Variants in NEK10 observed in about 807,000 individuals in gnomAD.
The protein encoded by NEK10 is NIMA related kinase 10.
A neutral mutation model predicts 159.8 loss-of-function variants in NEK10; 122 were observed. The ratio of observed to expected loss-of-function variants is 0.76; its 90% CI spans 0.66 to 0.89. The LOEUF is 0.89. NEK10 is among the 40% of genes least tolerant of loss of function. The probability of loss-of-function intolerance (pLI) is 0.00; values close to 1 mark genes in which losing one functional copy is unlikely to be tolerated. For missense variants in NEK10, 1,342 were observed against 1,323.1 expected (o/e 1.01, Z -0.22); for synonymous variants, 466 against 457.1 (o/e 1.02, Z -0.25).
intron 15 of NEK10, among the ~76,000 whole-genome samples, chr3:27,294,773 A>T (rs551209598): frequency 1.3e-5 from 2 of 151,204 alleles, no homozygotes; most frequent in African/African-American, 2.4e-5. Flanking sequence ...GACTTGGGGG[A>T]AAAAAAAAGA....
chr3:27,294,762 T>A (rs2043231040), intron 15 of NEK10, among the ~76,000 whole-genome samples: 1 of 152,012 alleles, frequency 6.6e-6, no homozygotes, highest in Non-Finnish European at 1.5e-5. Context: ...CTTTTCAAAA[T>A]GACTTGGGGG....
chr3:27,123,284 T>A (rs955364410), intron 32 of NEK10, among the ~76,000 whole-genome samples: 4 of 152,174 alleles, frequency 2.6e-5, no homozygotes, highest in African/African-American at 9.7e-5. Context: ...GGGTCCTTCA[T>A]GAAGACTAGC....
chr3:27,253,064 G>T, intron 23 of NEK10: 1 of 354,014 alleles, frequency 2.8e-6, no homozygotes, highest in Non-Finnish European at 5.6e-6. Flanking sequence ...GCTTCACTTT[G>T]TCTCTACTTA....
intron 23 of NEK10, among the ~76,000 whole-genome samples, chr3:27,236,295 A>G (rs1364930549): frequency 1.3e-5 from 2 of 152,172 alleles, no homozygotes; most frequent in Non-Finnish European, 2.9e-5. Flanking sequence ...CTTAAAAGTT[A>G]AAAAATAAGT....
At chr3:27,130,251 T>C (rs1037139846) in intron 32 of NEK10, among the ~76,000 whole-genome samples, 11 of 152,150 alleles carry the variant, frequency 7.2e-5, no homozygotes, top group Non-Finnish European at 1.3e-4. Context: ...AAGTTAATAA[T>C]AAGGATGAGT....
intron 1 of NEK10, among the ~76,000 whole-genome samples, chr3:27,354,637 C>T (rs183291363): frequency 2.3e-3 from 357 of 152,284 alleles, no homozygotes; most frequent in Non-Finnish European, 4.0e-3. Flanking sequence ...CTAATGTCTA[C>T]ACTATAATAC....
At chr3:27,314,176 C>A (rs2044960191) in intron 7 of NEK10, 121 bp downstream of exon 7, 2 of 707,636 alleles carry the variant, frequency 2.8e-6, no homozygotes, top group South Asian at 3.2e-5. Context: ...GCTGTCTGTC[C>A]CTCTCTGGGG....
At chr3:27,352,600 A>G in intron 2 of NEK10, 75 bp from the exon 3 acceptor site, 1 of 1,100,886 alleles carries the variant, frequency 9.1e-7, no homozygotes, top group Admixed American at 1.8e-5. Context: ...CACTGATGGC[A>G]TTGCCACTTG....
At chr3:27,179,323 A>G (rs1027997487) in intron 26 of NEK10, among the ~76,000 whole-genome samples, 3 of 152,198 alleles carry the variant, frequency 2.0e-5, no homozygotes, top group African/African-American at 7.2e-5. Context: ...CTGTCATGAC[A>G]TAGTTATTAT....
In NEK10 at chr3:27,131,989, A is replaced by C. The variant is rs756685098; in HGVS notation, c.2972T>G (p.Leu991Arg). Residue 991 changes from leucine to arginine, a missense_variant and splice_region_variant, in exon 32 of 36, where the codon CTT becomes CGT. Physicochemically the swap from Leu to Arg is moderately radical, Grantham distance 102. Coordinates refer to ENST00000691995, the MANE Select transcript of NEK10 (RefSeq NM_001394966.1). ...CAAATTGTGGTGCAAAGCTGGAGGA[A>C]GCTGCATAAAATAAGAAAACAATCA... Reference protein sequence around the residue: ...QLHKIIYITQLPPALHHNLKR... With the variant: ...QLHKIIYITQRPPALHHNLKR... The C allele has an allele frequency of 7.7e-6, 12 of 1,559,074 alleles. No individual in the cohort carries two copies. The highest frequency in any genetic ancestry group is 1.8e-4 in the Middle Eastern group (1 of 5,576).
At chr3:27,181,051 T>A (rs9858306) in intron 26 of NEK10, among the ~76,000 whole-genome samples, 1 of 151,762 alleles carries the variant, frequency 6.6e-6, no homozygotes, top group Admixed American at 6.6e-5. Flanking sequence ...GGATCTTTGG[T>A]CATGCTACTC....
At chr3:27,244,082 G>T (rs569332171) in intron 23 of NEK10, among the ~76,000 whole-genome samples, 1 of 152,118 alleles carries the variant, frequency 6.6e-6, no homozygotes, top group African/African-American at 2.4e-5. Flanking sequence ...ATACCCTGTG[G>T]CTTTACAATG....
At chr3:27,365,737 A>G (rs914900844) in intron 1 of NEK10, among the ~76,000 whole-genome samples, 5 of 148,022 alleles carry the variant, frequency 3.4e-5, no homozygotes, top group Admixed American at 6.8e-5. Flanking sequence ...CTCAGCCTCC[A>G]GAGTAGCTGG....
chr3:27,162,334 A>C, intron 30 of NEK10: 1 of 1,450,786 alleles, frequency 6.9e-7, no homozygotes, highest in Non-Finnish European at 9.2e-7. Flanking sequence ...GTGAACAAAC[A>C]AGGCAGAATT....
At chr3:27,310,339 T>C (rs1434051361) in intron 9 of NEK10, 1 of 152,212 alleles carries the variant, frequency 6.6e-6, no homozygotes, top group East Asian at 1.9e-4. Context: ...ACAAAAAATG[T>C]TGACCTGTGT....
chr3:27,344,184 G>T, intron 5 of NEK10, 88 bp downstream of exon 5: 1 of 681,362 alleles, frequency 1.5e-6, no homozygotes, highest in Non-Finnish European at 2.6e-6. Flanking sequence ...GTTCAATCCT[G>T]TAAGATGTTT....
chr3:27,141,517 A>G lies in NEK10; in HGVS notation c.2935T>C (p.Leu979=), dbSNP rs1369273455. The change falls in exon 31 of 36, where the codon TTA becomes CTA. Residue 979 remains leucine, a synonymous_variant. Coordinates refer to ENST00000691995, the MANE Select transcript of NEK10 (RefSeq NM_001394966.1). ...RQISDPIQQI[L]IQLHKIIYIT... is the part of the protein sequence containing the mutation. ...TAGATTATTTTGTGCAGCTGAATTA[A>G]TATCTGCTGAATAGGATCACTGATC... The G allele has an allele frequency of 1.9e-6, 3 of 1,613,344 alleles. No individual in the cohort carries two copies. The highest frequency in any genetic ancestry group is 2.5e-6 in the Non-Finnish European group (3 of 1,179,484).
At chr3:27,290,820 G>A in intron 18 of NEK10, 66 bp from the exon 19 acceptor site, 2 of 1,254,830 alleles carry the variant, frequency 1.6e-6, no homozygotes, top group Non-Finnish European at 2.2e-6. Flanking sequence ...AGAGAAAGAG[G>A]AAGAAAGAGA....
intron 26 of NEK10, among the ~76,000 whole-genome samples, chr3:27,189,944 A>G (rs1948967523): frequency 6.6e-6 from 1 of 152,164 alleles, no homozygotes; most frequent in African/African-American, 2.4e-5. Flanking sequence ...GTGCTAATAT[A>G]TATGCATTAA....
Sources: allele counts gnomAD v4.1 joint callset (sites outside exome capture counted in the v4.1 genomes callset), GRCh38; gene constraint gnomAD v4.1.1; transcripts MANE v1.5; gene names NCBI Gene and HGNC (gene_info 2026-07-23, HGNC 2026-07-21).